The following TIAM1 variants were observed in gnomAD, a reference collection of about 807,000 sequenced individuals.
TIAM1 encodes rho guanine nucleotide exchange factor TIAM1.
A neutral mutation model predicts 163.5 loss-of-function variants in TIAM1; 65 were observed. The ratio of observed to expected loss-of-function variants is 0.40; its 90% CI spans 0.33 to 0.49. TIAM1 has a LOEUF of 0.49. Among genes scored for constraint, TIAM1 ranks in the 20% least tolerant of loss-of-function variants. The probability of loss-of-function intolerance (pLI) is 0.77; values close to 1 mark genes in which losing one functional copy is unlikely to be tolerated. For synonymous variants in TIAM1, 833 were observed against 810.1 expected (o/e 1.03, Z -0.48); for missense variants, 1,789 against 2,044.7 (o/e 0.87, Z 2.41).
At chr21:31,471,326 G>A (rs533238285) in intron 1 of TIAM1, among the ~76,000 whole-genome samples, 17 of 152,258 alleles carry the variant, frequency 1.1e-4, no homozygotes, top group East Asian at 5.8e-4. Context: ...CACTAGGCTC[G>A]GTTCCCCCCT....
Position 31,182,444 on chromosome 21 carries a change from A to AG in TIAM1, c.2863dup (p.Leu955ProfsTer21). ...ACCTGGGTTGCTGGTGAGAAAGGCG[A>AG]GGGGGCTCTCGCCAAGGTCGGCAGG... On this transcript the variant is annotated frameshift_variant, in exon 15 of 28. Coordinates refer to ENST00000541036, the MANE Select transcript of TIAM1 (RefSeq NM_001353694.2). LOFTEE classifies it high-confidence loss of function. 6.3e-7 allele frequency: 1 copy of AG among 1,591,840 alleles called. No individual in the cohort carries two copies. The highest frequency in any genetic ancestry group is 8.5e-7 in the Non-Finnish European group (1 of 1,169,690).
intron 26 of TIAM1, 105 bp downstream of exon 26, chr21:31,126,960 A>T: frequency 1.9e-6 from 2 of 1,056,080 alleles, no homozygotes; most frequent in Non-Finnish European, 2.9e-6. Context: ...CAGTGATGTT[A>T]CAGTACAAAC....
At chr21:31,185,188 A>G (rs1297112041) in intron 14 of TIAM1, among the ~76,000 whole-genome samples, 1 of 152,060 alleles carries the variant, frequency 6.6e-6, no homozygotes, top group Non-Finnish European at 1.5e-5. Flanking sequence ...CCATAGCAAG[A>G]AGAAAGAAAC....
At chr21:31,450,444 G>A (rs75591655) in intron 2 of TIAM1, among the ~76,000 whole-genome samples, 4 of 152,216 alleles carry the variant, frequency 2.6e-5, no homozygotes, top group East Asian at 3.9e-4. Context: ...ACCCAGATCC[G>A]AGATTCTTCA....
intron 23 of TIAM1, among the ~76,000 whole-genome samples, chr21:31,131,303 A>C (rs1326399426): frequency 3.3e-5 from 5 of 152,248 alleles, no homozygotes; most frequent in Non-Finnish European, 5.9e-5. Context: ...GAATAATATA[A>C]ACGTCTTTCA....
chr21:31,297,560 A>C (rs893858667), intron 2 of TIAM1, among the ~76,000 whole-genome samples: 1 of 152,080 alleles, frequency 6.6e-6, no homozygotes, highest in Admixed American at 6.5e-5. Flanking sequence ...ACGCACGGCT[A>C]ATTTTTGTAT....
At chr21:31,377,004 G>A (rs546058446) in intron 2 of TIAM1, among the ~76,000 whole-genome samples, 6 of 150,318 alleles carry the variant, frequency 4.0e-5, no homozygotes, top group Admixed American at 1.3e-4. Context: ...GATAACAGGC[G>A]GACGCCACCA....
At chr21:31,283,759 C>T (rs1351961923) in intron 2 of TIAM1, among the ~76,000 whole-genome samples, 2 of 152,046 alleles carry the variant, frequency 1.3e-5, no homozygotes, top group African/African-American at 4.8e-5. Context: ...TCAGGCTGGT[C>T]TCAAACTCCT....
intron 11 of TIAM1, among the ~76,000 whole-genome samples, chr21:31,206,506 G>A (rs1002361684): frequency 1.4e-4 from 21 of 152,090 alleles, no homozygotes; most frequent in African/African-American, 3.9e-4. Context: ...ATTGAGACTC[G>A]TAAAACATTC....
At chr21:31,433,515 G>A (rs568554175) in intron 2 of TIAM1, among the ~76,000 whole-genome samples, 1 of 152,154 alleles carries the variant, frequency 6.6e-6, no homozygotes, top group African/African-American at 2.4e-5. Flanking sequence ...CTTTTAGTTG[G>A]AAGCTAGGGC....
intron 2 of TIAM1, among the ~76,000 whole-genome samples, chr21:31,372,936 T>C (rs762298204): frequency 2.0e-5 from 3 of 151,506 alleles, no homozygotes; most frequent in Non-Finnish European, 4.4e-5. Flanking sequence ...ATGCCTGTAA[T>C]AGCAGCTACT....
At chr21:31,525,300 T>G (rs192109967) in intron 1 of TIAM1, among the ~76,000 whole-genome samples, 1 of 148,950 alleles carries the variant, frequency 6.7e-6, no homozygotes, top group East Asian at 2.0e-4. Flanking sequence ...ACCCAGGAGG[T>G]AGAGGTTGCA....
At chr21:31,469,632 T>A (rs1413039884) in intron 1 of TIAM1, among the ~76,000 whole-genome samples, 2 of 151,894 alleles carry the variant, frequency 1.3e-5, no homozygotes, top group Non-Finnish European at 2.9e-5. Context: ...ATGGAGACCA[T>A]CCTGGCTAAC....
intron 1 of TIAM1, among the ~76,000 whole-genome samples, chr21:31,515,531 CAG>C (rs2047352650): frequency 6.6e-6 from 1 of 152,158 alleles, no homozygotes; most frequent in African/African-American, 2.4e-5. Context: ...GTAAGTCCCT[CAG>C]AGTCTGGCAC....
At chr21:31,420,523 G>A (rs2043530036) in intron 2 of TIAM1, among the ~76,000 whole-genome samples, 1 of 152,110 alleles carries the variant, frequency 6.6e-6, no homozygotes, top group Non-Finnish European at 1.5e-5. Flanking sequence ...ATAAAGCCTC[G>A]AAGCAAAGCA....
At chr21:31,482,889 G>A (rs549776024) in intron 1 of TIAM1, among the ~76,000 whole-genome samples, 3 of 152,198 alleles carry the variant, frequency 2.0e-5, no homozygotes, top group Non-Finnish European at 4.4e-5. Flanking sequence ...ACCATTTACT[G>A]AGTAGCTACT....
chr21:31,551,995 A>G (rs1005102147), intron 1 of TIAM1, among the ~76,000 whole-genome samples: 3 of 151,800 alleles, frequency 2.0e-5, no homozygotes, highest in African/African-American at 7.2e-5. Flanking sequence ...TTTCAAGAGA[A>G]GCGCATCTGT....
intron 13 of TIAM1, among the ~76,000 whole-genome samples, chr21:31,194,310 G>A (rs1334470439): frequency 6.6e-6 from 1 of 152,142 alleles, no homozygotes; most frequent in Non-Finnish European, 1.5e-5. Context: ...GCTGAGCTCT[G>A]TGGGTCTTCC....
intron 15 of TIAM1, among the ~76,000 whole-genome samples, chr21:31,180,547 G>A (rs2084966607): frequency 6.6e-6 from 1 of 150,748 alleles, no homozygotes; most frequent in Admixed American, 6.6e-5. Context: ...CTGTAACCCA[G>A]AAGAAGGGCT....
Sources: gnomAD v4.1 joint callset for allele counts (sites outside exome capture counted in the v4.1 genomes callset) on GRCh38, gnomAD v4.1.1 for gene constraint, MANE v1.5 for transcripts, NCBI Gene and HGNC (gene_info 2026-07-23, HGNC 2026-07-21) for gene names.